ERBB4: variants seen among roughly 807,000 people sequenced by gnomAD.
The protein encoded by ERBB4 is erb-b2 receptor tyrosine kinase 4.
A neutral mutation model predicts 158.0 loss-of-function variants in ERBB4; 42 were observed. The ratio of observed to expected loss-of-function variants is 0.27; its 90% CI spans 0.21 to 0.34. The LOEUF is 0.34. Among genes scored for constraint, ERBB4 ranks in the 10% least tolerant of loss-of-function variants. The pLI is 1.00. For missense variants in ERBB4, 1,333 were observed against 1,624.1 expected, an observed-to-expected ratio of 0.82 and a Z score of 3.08; for synonymous variants, 583 against 558.7, an observed-to-expected ratio of 1.04 and a Z score of -0.61.
chr2:212,327,190 T>A (rs79704947), intron 1 of ERBB4, among the ~76,000 whole-genome samples: 2,779 of 141,296 alleles, frequency 0.02, 111 homozygotes, highest in African/African-American at 0.065. Flanking sequence ...TGGCTATTAT[T>A]ATTGTTACTA....
At chr2:212,100,660 A>G (rs1462817787) in intron 2 of ERBB4, among the ~76,000 whole-genome samples, 1 of 152,194 alleles carries the variant, frequency 6.6e-6, no homozygotes, top group Non-Finnish European at 1.5e-5. Context: ...GGAATGGCCA[A>G]ATAAATTTGT....
intron 2 of ERBB4, among the ~76,000 whole-genome samples, chr2:211,998,336 G>C (rs180945881): frequency 9.9e-4 from 150 of 151,836 alleles, no homozygotes; most frequent in African/African-American, 3.5e-3. Context: ...TTTTTTTACA[G>C]GGAAAATCTA....
chr2:212,512,640 C>T (rs553149294), intron 1 of ERBB4, among the ~76,000 whole-genome samples: 3 of 152,242 alleles, frequency 2.0e-5, no homozygotes. Context: ...AAGTATTTTA[C>T]TTGATATTTT....
intron 2 of ERBB4, among the ~76,000 whole-genome samples, chr2:211,974,471 G>T (rs989723382): frequency 1.3e-5 from 2 of 152,170 alleles, no homozygotes; most frequent in Non-Finnish European, 2.9e-5. Flanking sequence ...GGTTCAAATT[G>T]TGTCAATTAG....
At chr2:211,802,679 A>G (rs1045488424) in intron 3 of ERBB4, among the ~76,000 whole-genome samples, 2 of 152,216 alleles carry the variant, frequency 1.3e-5, no homozygotes, top group African/African-American at 4.8e-5. Flanking sequence ...CCAGAGCTTC[A>G]AGAGTTATAA....
At chr2:211,476,878 A>G (rs1475810242) in intron 20 of ERBB4, among the ~76,000 whole-genome samples, 3 of 152,152 alleles carry the variant, frequency 2.0e-5, no homozygotes, top group African/African-American at 4.8e-5. Context: ...GGGAAACTCT[A>G]CAAGTGAAAA....
intron 1 of ERBB4, among the ~76,000 whole-genome samples, chr2:212,350,115 G>A (rs1338064383): frequency 4.6e-5 from 7 of 152,036 alleles, no homozygotes; most frequent in Non-Finnish European, 1.0e-4. Context: ...GAACTTCCAA[G>A]TTATTAGTTA....
At chr2:211,861,065 A>ACAT (rs1416248071) in intron 3 of ERBB4, among the ~76,000 whole-genome samples, 3,290 of 47,568 alleles carry the variant, frequency 0.069, 569 homozygotes, top group Non-Finnish European at 0.078. Context: ...ATATATAAAT[A>ACAT]TAATATATTT....
At chr2:212,271,020 G>T (rs148476972) in intron 1 of ERBB4, among the ~76,000 whole-genome samples, 169 of 151,856 alleles carry the variant, frequency 1.1e-3, no homozygotes, top group Non-Finnish European at 2.0e-3. Flanking sequence ...AATGAGTTTT[G>T]CAGTGCACTG....
At chr2:211,447,466 G>A (rs1836712) in intron 20 of ERBB4, among the ~76,000 whole-genome samples, 142,507 of 152,254 alleles carry the variant, frequency 0.94, 66,706 homozygotes, top group Middle Eastern at 0.97. Flanking sequence ...AATAAAATGG[G>A]GTGGAGTTTC....
intron 2 of ERBB4, among the ~76,000 whole-genome samples, chr2:212,070,049 G>T (rs2078065932): frequency 6.6e-6 from 1 of 151,964 alleles, no homozygotes; most frequent in Admixed American, 6.6e-5. Context: ...GAGCCCATCA[G>T]TTCAAGGTTG....
At chr2:211,605,819 C>T (rs1438108340) in intron 19 of ERBB4, among the ~76,000 whole-genome samples, 1 of 151,956 alleles carries the variant, frequency 6.6e-6, no homozygotes, top group Admixed American at 6.6e-5. Context: ...AACCTAGGAG[C>T]AGTTACTTAT....
intron 20 of ERBB4, among the ~76,000 whole-genome samples, chr2:211,522,532 T>C (rs1016611721): frequency 6.6e-6 from 1 of 152,180 alleles, no homozygotes; most frequent in African/African-American, 2.4e-5. Flanking sequence ...GAGTATTATA[T>C]AAACTTAGTT....
intron 12 of ERBB4, among the ~76,000 whole-genome samples, chr2:211,690,446 T>A (rs1203255200): frequency 2.0e-5 from 3 of 152,164 alleles, no homozygotes; most frequent in African/African-American, 7.2e-5. Context: ...CTTACCTCTC[T>A]TCGGCTGTCT....
At chr2:211,636,894 C>A (rs1263312541) in intron 16 of ERBB4, among the ~76,000 whole-genome samples, 1 of 151,622 alleles carries the variant, frequency 6.6e-6, no homozygotes, top group Admixed American at 6.6e-5. Flanking sequence ...CTATAAAACC[C>A]ATGAGTATGT....
At chr2:212,152,746 CA>C (rs1156960379) in intron 1 of ERBB4, among the ~76,000 whole-genome samples, 2 of 152,124 alleles carry the variant, frequency 1.3e-5, no homozygotes, top group African/African-American at 4.8e-5. Flanking sequence ...CTAACAGGTT[CA>C]AAATTAAAGT....
chr2:212,118,560 AG>A (rs55907207), intron 2 of ERBB4, among the ~76,000 whole-genome samples: 75,164 of 151,884 alleles, frequency 0.49, 19,679 homozygotes, highest in Non-Finnish European at 0.58. Context: ...CATCCTCAGA[AG>A]AATCCCATAC....
Position 212,003,229 on chromosome 2 carries a change from G to A in ERBB4, c.235-55613C>T, listed in dbSNP as rs2076177423. ...AGACAGAAAGAAGGAAGGAAGGAAG[G>A]AAGGAAGGAAGGAAGGAAGGAAGGA... On this transcript the variant is annotated intron_variant, in intron 2 of 27. Coordinates refer to ENST00000342788, the MANE Select transcript of ERBB4 (RefSeq NM_005235.3). Among the ~76,000 whole-genome samples the A allele has an allele frequency of 4.2e-5, 5 of 118,470 alleles. No homozygotes were observed. The South Asian group carries it at 8.5e-4, about 20-fold the overall frequency. The allele number at this position is 118,470 out of a possible 152,430, so 77.7% of individuals were successfully genotyped here. A position where few individuals can be genotyped will look rare whatever the true frequency, so the allele number is the denominator to read the frequency against.
At chr2:212,058,596 T>G (rs1467348922) in intron 2 of ERBB4, among the ~76,000 whole-genome samples, 1 of 152,120 alleles carries the variant, frequency 6.6e-6, no homozygotes. Context: ...TCCACCATGA[T>G]CAAGTGGGCT....
Sources: allele counts gnomAD v4.1 joint callset (sites outside exome capture counted in the v4.1 genomes callset), GRCh38; gene constraint gnomAD v4.1.1; transcripts MANE v1.5; gene names NCBI Gene and HGNC (gene_info 2026-07-23, HGNC 2026-07-21).